PIK3CA: variants seen among roughly 807,000 people sequenced by gnomAD.
The protein encoded by PIK3CA is phosphatidylinositol-4,5-bisphosphate 3-kinase catalytic subunit alpha.
Under a neutral mutation model 138.2 loss-of-function variants are expected in PIK3CA, and 27 were observed. The observed-to-expected ratio is 0.20, with a 90% confidence interval of 0.14 to 0.27. The LOEUF (loss-of-function observed/expected upper bound fraction) is 0.27, where lower values mean the gene tolerates loss of function less well. PIK3CA is among the 10% of genes least tolerant of loss of function. The pLI, the probability that PIK3CA is intolerant of heterozygous loss-of-function variation, is 1.00. For missense variants in PIK3CA, 544 were observed against 1,277.4 expected (o/e 0.43, Z 8.75); for synonymous variants, 358 against 413.2 (o/e 0.87, Z 1.62).
chr3:179,189,805 C>T (rs1724081687), intron 1 of PIK3CA, among the ~76,000 whole-genome samples: 1 of 152,132 alleles, frequency 6.6e-6, no homozygotes, highest in Admixed American at 6.5e-5. Context: ...CTTGATTTTC[C>T]ACCCTGAAGT....
chr3:179,239,222 T>TA lies in PIK3CA; in HGVS notation c.*4861dup. On this transcript the variant is annotated 3_prime_UTR_variant, in exon 21 of 21. Coordinates refer to ENST00000263967, the MANE Select transcript of PIK3CA (RefSeq NM_006218.4). ...TTTTAAATGTATTTTTTTAGCCAGT[T>TA]AAAGTCTATGAATCTATCTGCAACC... The TA allele has an allele frequency of 9.7e-6, 2 of 205,778 alleles. No homozygotes were observed. The highest frequency in any genetic ancestry group is 2.0e-5 in the Non-Finnish European group (2 of 100,596). The allele number at this position is 205,778 out of a possible 1,614,324, so 12.7% of individuals were successfully genotyped here.
chr3:179,204,077 G>A (rs1216933689), intron 5 of PIK3CA, among the ~76,000 whole-genome samples: 1 of 152,154 alleles, frequency 6.6e-6, no homozygotes, highest in Admixed American at 6.5e-5. Flanking sequence ...CCAACCTTAA[G>A]TGAGGGTTTT....
intron 1 of PIK3CA, among the ~76,000 whole-genome samples, chr3:179,155,438 A>G (rs1723110547): frequency 6.6e-6 from 1 of 152,128 alleles, no homozygotes; most frequent in African/African-American, 2.4e-5. Flanking sequence ...GGCCCTTTGT[A>G]TTCGTGGGTT....
At chr3:179,157,397 TCAGAA>T (rs1286109741) in intron 1 of PIK3CA, among the ~76,000 whole-genome samples, 1 of 152,122 alleles carries the variant, frequency 6.6e-6, no homozygotes, top group East Asian at 1.9e-4. Flanking sequence ...GTAGTAAAAC[TCAGAA>T]CAGTTTAAAA....
At chr3:179,200,637 CTCTTT>C (rs1430017988) in intron 3 of PIK3CA, among the ~76,000 whole-genome samples, 1 of 152,024 alleles carries the variant, frequency 6.6e-6, no homozygotes, top group African/African-American at 2.4e-5. Flanking sequence ...TATTTTAATG[CTCTTT>C]TCATTTTCCC....
At chr3:179,229,928 C>T (rs1039656428) in intron 18 of PIK3CA, 76 bp from the exon 19 acceptor site, 1 of 842,466 alleles carries the variant, frequency 1.2e-6, no homozygotes, top group South Asian at 1.8e-5. Context: ...TGGAAACTTG[C>T]ACCCTGTTTT....
intron 1 of PIK3CA, among the ~76,000 whole-genome samples, chr3:179,152,567 A>C (rs1161038792): frequency 5.3e-5 from 8 of 152,180 alleles, no homozygotes; most frequent in Admixed American, 5.2e-4. Context: ...ACTATTCAAC[A>C]GAGTTGTTGA....
chr3:179,158,774 A>G (rs1023555800), intron 1 of PIK3CA, among the ~76,000 whole-genome samples: 4 of 152,104 alleles, frequency 2.6e-5, no homozygotes, highest in Non-Finnish European at 4.4e-5. Flanking sequence ...CATCAGTTCA[A>G]TCTCTAAGTC....
At chr3:179,214,590 A>G (rs1199819065) in intron 9 of PIK3CA, among the ~76,000 whole-genome samples, 1 of 152,192 alleles carries the variant, frequency 6.6e-6, no homozygotes, top group Non-Finnish European at 1.5e-5. Flanking sequence ...TTGAAATATT[A>G]TAAGAATTAC....
intron 1 of PIK3CA, among the ~76,000 whole-genome samples, chr3:179,191,066 G>C (rs907497721): frequency 6.6e-6 from 1 of 152,162 alleles, no homozygotes; most frequent in Admixed American, 6.5e-5. Flanking sequence ...CCAGAGATGG[G>C]GTTCACAATT....
intron 2 of PIK3CA, 31 bp downstream of exon 2, chr3:179,199,208 A>C (rs769412936): frequency 2.9e-6 from 4 of 1,384,936 alleles, no homozygotes; most frequent in Non-Finnish European, 3.9e-6. Context: ...CTAAAATGCA[A>C]ATAACCATAA....
In PIK3CA at chr3:179,149,078, C is replaced by T. The variant is rs564427789; in HGVS notation, c.-77+475C>T. 2.8e-4 allele frequency among the ~76,000 whole-genome samples: 43 copies of T among 152,250 alleles called. No individual in the cohort carries two copies. In the South Asian group the frequency reaches 6.0e-3, roughly 21 times the overall value. On this transcript the variant is annotated intron_variant, in intron 1 of 20. Coordinates refer to ENST00000263967, the MANE Select transcript of PIK3CA (RefSeq NM_006218.4). ...GCCCGAGGACTCCGGCCCCGCCAGC[C>T]TGGCGGCCCTGCGTTTGCCTCTTAC...
At chr3:179,156,078 A>G (rs1723133449) in intron 1 of PIK3CA, among the ~76,000 whole-genome samples, 1 of 152,304 alleles carries the variant, frequency 6.6e-6, no homozygotes, top group Admixed American at 6.5e-5. Context: ...TAGAGAGAAG[A>G]CAGTCTAGCT....
At chr3:179,172,986 T>C (rs1338406571) in intron 1 of PIK3CA, among the ~76,000 whole-genome samples, 1 of 152,202 alleles carries the variant, frequency 6.6e-6, no homozygotes, top group Non-Finnish European at 1.5e-5. Flanking sequence ...GAAAGAGATT[T>C]GAAAATCTAG....
intron 1 of PIK3CA, among the ~76,000 whole-genome samples, chr3:179,152,385 AGAGGGATTGTAC>A (rs527609078): frequency 1.1e-3 from 167 of 152,348 alleles, no homozygotes; most frequent in African/African-American, 3.9e-3. Flanking sequence ...TGTATAATAC[AGAGGGATTGTAC>A]GAGGTGCTCT....
intron 1 of PIK3CA, among the ~76,000 whole-genome samples, chr3:179,191,744 C>A (rs1253681706): frequency 6.6e-6 from 1 of 152,162 alleles, no homozygotes; most frequent in African/African-American, 2.4e-5. Flanking sequence ...TCAAACAATT[C>A]TCTTGCCTCA....
At chr3:179,204,956 G>C (rs1284919157) in intron 6 of PIK3CA, among the ~76,000 whole-genome samples, 1 of 142,314 alleles carries the variant, frequency 7.0e-6, no homozygotes, top group African/African-American at 2.6e-5. Flanking sequence ...GGAAGGCTGA[G>C]GTTGCAGTGA....
intron 6 of PIK3CA, among the ~76,000 whole-genome samples, chr3:179,208,777 G>A (rs1170955947): frequency 6.6e-6 from 1 of 151,528 alleles, no homozygotes; most frequent in Non-Finnish European, 1.5e-5. Context: ...TGAATGTGAA[G>A]TTTCATTACC....
intron 1 of PIK3CA, among the ~76,000 whole-genome samples, chr3:179,163,388 T>C (rs1412876043): frequency 6.6e-6 from 1 of 152,110 alleles, no homozygotes; most frequent in Non-Finnish European, 1.5e-5. Context: ...GGCATGGCAA[T>C]GTGCCCCCTC....
Sources: allele counts gnomAD v4.1 joint callset (sites outside exome capture counted in the v4.1 genomes callset), GRCh38; gene constraint gnomAD v4.1.1; transcripts MANE v1.5; gene names NCBI Gene and HGNC (gene_info 2026-07-23, HGNC 2026-07-21).